The following RTN4 variants were observed in gnomAD, a reference collection of about 807,000 sequenced individuals.
RTN4 encodes reticulon-4.
Under a neutral mutation model 90.4 loss-of-function variants are expected in RTN4, and 32 were observed. The ratio of observed to expected loss-of-function variants is 0.35; its 90% CI spans 0.27 to 0.48. The LOEUF (loss-of-function observed/expected upper bound fraction) is 0.48, where lower values mean the gene tolerates loss of function less well. Ranked by LOEUF, RTN4 falls within the 20% of genes least tolerant of loss-of-function variation. RTN4 has a pLI of 0.99. For missense variants in RTN4, 1,706 were observed against 1,430.2 expected, an observed-to-expected ratio of 1.19 and a Z score of -3.11; for synonymous variants, 629 against 552.5, an observed-to-expected ratio of 1.14 and a Z score of -1.94.
intron 2 of RTN4, among the ~76,000 whole-genome samples, chr2:55,076,092 A>T (rs1668594032): frequency 6.6e-6 from 1 of 152,338 alleles, no homozygotes; most frequent in South Asian, 2.1e-4. Flanking sequence ...ACTTAATTAA[A>T]TTTAAAAAAG....
At chr2:55,002,804 G>A (rs1679940569) in intron 3 of RTN4, among the ~76,000 whole-genome samples, 1 of 152,114 alleles carries the variant, frequency 6.6e-6, no homozygotes, top group Non-Finnish European at 1.5e-5. Flanking sequence ...TGTAAAGAAT[G>A]TTAAAATGAG....
rs1446713286 is a variant in RTN4 at position 55,027,115 on chromosome 2, T to C, written c.984A>G (p.Lys328=). Residue 328 remains lysine, a synonymous_variant, in exon 3 of 9, where the codon AAA becomes AAG. Transcript: ENST00000337526. ...TACTAACTAACTTCTCTTCTTCATC[T>C]TTATTTTTCACGATTATTTCTTCCC... ...NPREEIIVKN[K]DEEEKLVSNN... 1 of 1,613,390 alleles carries C rather than the reference T, an allele frequency of 6.2e-7. No individual in the cohort carries two copies. Among genetic ancestry groups the C allele is most frequent in the South Asian group, 1.1e-5 (1 of 91,054 alleles).
chr2:55,040,792 T>TA lies in RTN4; in HGVS notation c.556+8952dup, dbSNP rs1050824314. Among the ~76,000 whole-genome samples the TA allele has an allele frequency of 1.3e-3, 182 of 144,160 alleles. 1 individual carries two copies. The highest frequency in any genetic ancestry group is 2.4e-3 in the South Asian group (11 of 4,600). 94.6% of individuals were successfully genotyped at this position (144,160 alleles called of 152,430 possible). On this transcript the variant is annotated intron_variant, in intron 1 of 8. Coordinates refer to ENST00000337526, the MANE Select transcript of RTN4 (RefSeq NM_020532.5). ...CCTCTTACTCAGCCCTAGGCCTAGTTAAAAAAAAAAAGGAATATATTAATT... is the reference window on the plus strand; with the variant it reads ...CCTCTTACTCAGCCCTAGGCCTAGTTAAAAAAAAAAAAGGAATATATTAATT...
intron 3 of RTN4, among the ~76,000 whole-genome samples, chr2:55,012,018 C>T (rs1471979118): frequency 6.6e-6 from 1 of 152,146 alleles, no homozygotes; most frequent in Non-Finnish European, 1.5e-5. Flanking sequence ...ATACAAAATA[C>T]TGACTTTCTA....
At chr2:55,127,897 C>T in the RTN4 span, among the ~76,000 whole-genome samples, 21 of 152,106 alleles carry the variant, frequency 1.4e-4, no homozygotes, top group Non-Finnish European at 2.4e-4. Flanking sequence ...GGCATCAGAA[C>T]CACACCTCTC....
intron 1 of RTN4, among the ~76,000 whole-genome samples, chr2:55,035,985 T>C (rs1301564673): frequency 1.3e-5 from 2 of 152,110 alleles, no homozygotes; most frequent in East Asian, 3.8e-4. Flanking sequence ...TATGTGACTA[T>C]ACTTGTAACT....
chr2:55,077,012 CTTT>C (rs35498029), intron 2 of RTN4, among the ~76,000 whole-genome samples: 33,628 of 137,494 alleles, frequency 0.24, 6,591 homozygotes, highest in African/African-American at 0.56. Context: ...TCAGGCAGTT[CTTT>C]TTTTTTTTTT....
At chr2:55,128,190 A>G in the RTN4 span, among the ~76,000 whole-genome samples, 27 of 152,024 alleles carry the variant, frequency 1.8e-4, no homozygotes, top group African/African-American at 5.6e-4. Flanking sequence ...TTGAGGACAG[A>G]GCATGTCCTC....
intron 2 of RTN4, among the ~76,000 whole-genome samples, chr2:55,066,880 G>C (rs1162452751): frequency 2.0e-5 from 3 of 152,032 alleles, no homozygotes; most frequent in Non-Finnish European, 4.4e-5. Flanking sequence ...ACAGAAGTAG[G>C]TATATGAAAA....
At chr2:55,019,579 C>A (rs1449070045) in intron 3 of RTN4, among the ~76,000 whole-genome samples, 1 of 152,126 alleles carries the variant, frequency 6.6e-6, no homozygotes, top group Admixed American at 6.6e-5. Context: ...AACCCATAGC[C>A]TCAAATTAAT....
chr2:55,110,999 C>T (rs1201962590), intron 1 of RTN4, among the ~76,000 whole-genome samples: 2 of 151,930 alleles, frequency 1.3e-5, no homozygotes, highest in African/African-American at 4.8e-5. Context: ...CGAGATCGTA[C>T]CACGGTACTC....
chr2:55,009,311 C>A (rs1310850052), intron 3 of RTN4, among the ~76,000 whole-genome samples: 1 of 151,900 alleles, frequency 6.6e-6, no homozygotes. Flanking sequence ...CAGCCTACCA[C>A]TTTCTTTTAA....
chr2:55,002,209 C>A lies in RTN4; in HGVS notation c.3014-14511G>T, dbSNP rs1342279051. ...AAGTAGCTGGGACCATAGGCGTGCA[C>A]CACCACACCAAGCTAATTTTTTAAA... is the stretch of plus-strand genomic sequence containing the variant. On this transcript the variant is annotated intron_variant, in intron 3 of 8. Coordinates refer to ENST00000337526, the MANE Select transcript of RTN4 (RefSeq NM_020532.5). Among the ~76,000 whole-genome samples the A allele has an allele frequency of 2.6e-5, 4 of 152,098 alleles. No individual in the cohort carries two copies. In the East Asian group the frequency reaches 7.7e-4, roughly 29 times the overall value.
At chr2:55,123,331 TATC>T in the RTN4 span, among the ~76,000 whole-genome samples, 3 of 152,172 alleles carry the variant, frequency 2.0e-5, no homozygotes, top group Non-Finnish European at 4.4e-5. Flanking sequence ...ACTTGAAGGC[TATC>T]ATCAACTCTA....
At chr2:54,975,492 C>A (rs1055030912) in intron 5 of RTN4, among the ~76,000 whole-genome samples, 2 of 152,176 alleles carry the variant, frequency 1.3e-5, no homozygotes, top group Non-Finnish European at 2.9e-5. Context: ...CGGGGATCAG[C>A]AAACTTTCTC....
intron 1 of RTN4, among the ~76,000 whole-genome samples, chr2:55,095,619 T>C (rs1175976266): frequency 6.6e-6 from 1 of 152,082 alleles, no homozygotes; most frequent in African/African-American, 2.4e-5. Context: ...GGTCAAGTGG[T>C]CCTCCCACCT....
intron 1 of RTN4, among the ~76,000 whole-genome samples, chr2:55,094,370 T>C (rs1028940526): frequency 1.3e-5 from 2 of 152,200 alleles, no homozygotes; most frequent in African/African-American, 4.8e-5. Flanking sequence ...CTGTGCTATT[T>C]TGTGACAGTC....
intron 6 of RTN4, chr2:54,974,076 AG>A: frequency 2.0e-6 from 1 of 497,372 alleles, no homozygotes; most frequent in Non-Finnish European, 3.6e-6. Flanking sequence ...TATTAGAGCT[AG>A]GAACCATTTC....
chr2:55,086,951 C>T (rs943104948), intron 1 of RTN4, among the ~76,000 whole-genome samples: 1 of 151,944 alleles, frequency 6.6e-6, no homozygotes, highest in Non-Finnish European at 1.5e-5. Flanking sequence ...TGAACCACTG[C>T]ACTCAGCCTG....
Sources: gnomAD v4.1 joint callset for allele counts (sites outside exome capture counted in the v4.1 genomes callset) on GRCh38, gnomAD v4.1.1 for gene constraint, MANE v1.5 for transcripts, NCBI Gene and HGNC (gene_info 2026-07-23, HGNC 2026-07-21) for gene names.